The following PANK2 variants were observed in gnomAD, a reference collection of about 807,000 sequenced individuals.
The protein encoded by PANK2 is pantothenate kinase 2, mitochondrial.
In PANK2, 36 loss-of-function variants were observed where a neutral mutation model predicts 43.1. That is an observed-to-expected ratio of 0.84 (90% CI 0.64 to 1.10). The LOEUF (loss-of-function observed/expected upper bound fraction) is 1.10. Among genes scored for constraint, PANK2 ranks in the 50% least tolerant of loss-of-function variants. The pLI, the probability that PANK2 is intolerant of heterozygous loss-of-function variation, is 0.00. For synonymous variants in PANK2, 281 were observed against 238.2 expected (o/e 1.18, Z -1.66); for missense variants, 576 against 593.3 (o/e 0.97, Z 0.30).
intron 1 of PANK2, among the ~76,000 whole-genome samples, chr20:3,892,028 G>A (rs1240689161): frequency 1.3e-5 from 2 of 152,052 alleles, no homozygotes; most frequent in Non-Finnish European, 2.9e-5. Context: ...TACTATCTAG[G>A]GGTGCCCCTG....
chr20:3,903,240 TG>T (rs1260717810), intron 1 of PANK2, among the ~76,000 whole-genome samples: 1 of 151,548 alleles, frequency 6.6e-6, no homozygotes, highest in Non-Finnish European at 1.5e-5. Context: ...CTCCTCCTCC[TG>T]GGTTCAAGTG....
rs6037686 is a variant in PANK2 at position 3,898,563 on chromosome 20, T to C, written c.298+8835T>C. Among the ~76,000 whole-genome samples, 849 of 152,248 alleles carry C rather than the reference T, an allele frequency of 5.6e-3. 8 individuals are homozygous for C. Among genetic ancestry groups the C allele is most frequent in the African/African-American group, 0.019 (785 of 41,598 alleles). On this transcript the variant is annotated intron_variant, in intron 1 of 6. Transcript: ENST00000610179. ...AGATGTTTCCGTTTAAGTACTACTT[T>C]GGGTATATCCTATTGGTTTCTATAT...
At chr20:3,906,471 C>T (rs2090387557) in intron 1 of PANK2, among the ~76,000 whole-genome samples, 1 of 152,064 alleles carries the variant, frequency 6.6e-6, no homozygotes, top group Non-Finnish European at 1.5e-5. Flanking sequence ...TTAATATACC[C>T]AGCCTATTGA....
chr20:3,889,060 G>C (rs755143990), upstream of PANK2: 12 of 1,480,450 alleles, frequency 8.1e-6, no homozygotes, highest in Non-Finnish European at 1.1e-5. Flanking sequence ...GGCCCGGGGG[G>C]GCAGAGGCAT....
chr20:3,908,867 C>G, intron 2 of PANK2: 1 of 159,386 alleles, frequency 6.3e-6, no homozygotes, highest in Non-Finnish European at 1.4e-5. Flanking sequence ...CTGCCAGGCG[C>G]TCTATCTTGC....
intron 2 of PANK2, among the ~76,000 whole-genome samples, chr20:3,909,946 A>G (rs916937333): frequency 1.3e-4 from 20 of 152,334 alleles, no homozygotes; most frequent in African/African-American, 4.8e-4. Context: ...ATAATAATTT[A>G]GTCATTCCTT....
At chr20:3,911,004 C>G (rs912413712) in intron 3 of PANK2, among the ~76,000 whole-genome samples, 174 bp downstream of exon 3, 1 of 152,182 alleles carries the variant, frequency 6.6e-6, no homozygotes, top group African/African-American at 2.4e-5. Flanking sequence ...TCTTTAATCT[C>G]TACTGTTCAA....
At chr20:3,902,363 C>T (rs1243145992) in intron 1 of PANK2, among the ~76,000 whole-genome samples, 1 of 151,652 alleles carries the variant, frequency 6.6e-6, no homozygotes. Context: ...CGGAATCTCA[C>T]TCTGTGGCCA....
intron 4 of PANK2, among the ~76,000 whole-genome samples, chr20:3,916,713 G>T (rs932501075): frequency 1.3e-5 from 2 of 152,298 alleles, no homozygotes; most frequent in East Asian, 1.9e-4. Flanking sequence ...AGTAGAAACC[G>T]CAGGGAAAGC....
chr20:3,905,767 G>A (rs1438950496), intron 1 of PANK2, among the ~76,000 whole-genome samples: 2 of 140,854 alleles, frequency 1.4e-5, no homozygotes, highest in Non-Finnish European at 1.5e-5. Context: ...CCAGGCTGTA[G>A]TGCAGTAGTG....
At position 3,927,653 on chromosome 20, in the gene PANK2, T is replaced by C. The variant is rs1040350967; in HGVS notation, c.*4359T>C. On this transcript the variant is annotated 3_prime_UTR_variant, in exon 7 of 7. Transcript: ENST00000610179. ...GAGGCGATAGTTACCAGCAACACTC[T>C]AGGAAGACCAGCTGTCACCAGAAGG... The C allele has an allele frequency of 6.6e-6, 1 of 152,262 alleles. No homozygotes were observed. Among genetic ancestry groups the C allele is most frequent in the African/African-American group, 2.4e-5 (1 of 41,560 alleles). The allele number at this position is 152,262 out of a possible 1,614,324, so 9.4% of individuals were successfully genotyped here. A position where few individuals can be genotyped will look rare whatever the true frequency, so the allele number is the denominator to read the frequency against.
Position 3,923,330 on chromosome 20 carries a change from A to G in PANK2, c.*36A>G, listed in dbSNP as rs754680711. On this transcript the variant is annotated 3_prime_UTR_variant, in exon 7 of 7. Transcript: ENST00000610179. ...GGGAGGGGTTCCTGAAACCTTCCAC[A>G]ATGGGATCTGTGGACTTTCATTTTT... 8 of 1,607,546 alleles carry G rather than the reference A, an allele frequency of 5.0e-6. No homozygotes were observed. In the East Asian group the frequency reaches 8.9e-5, roughly 18 times the overall value.
At chr20:3,912,890 C>T (rs554406893) in intron 4 of PANK2, among the ~76,000 whole-genome samples, 7 of 113,230 alleles carry the variant, frequency 6.2e-5, no homozygotes, top group Admixed American at 2.6e-4. Context: ...GTGGAGGGTG[C>T]GGTGAGCTCC....
At chr20:3,896,789 T>TA (rs1333151057) in intron 1 of PANK2, among the ~76,000 whole-genome samples, 2 of 152,210 alleles carry the variant, frequency 1.3e-5, no homozygotes, top group African/African-American at 4.8e-5. Context: ...CCCTCCCCTA[T>TA]ACTGTGTACT....
chr20:3,907,804 C>A lies in PANK2; in HGVS notation c.299-122C>A, dbSNP rs767155226. 9.8e-6 allele frequency: 8 copies of A among 818,454 alleles called. No homozygotes were observed. The African/African-American group carries it at 1.2e-4, about 12-fold the overall frequency. 50.7% of individuals were successfully genotyped at this position (818,454 alleles called of 1,614,324 possible). ...AGAATCACATTTCTTTGCCCCAAAA[C>A]CCTTTTGCCTAGAATTATGTTCTTT... On this transcript the variant is annotated intron_variant, in intron 1 of 6. Coordinates refer to ENST00000610179, the MANE Select transcript of PANK2 (RefSeq NM_001386393.1).
chr20:3,905,037 C>T (rs2090362632), intron 1 of PANK2, among the ~76,000 whole-genome samples: 1 of 152,176 alleles, frequency 6.6e-6, no homozygotes, highest in Admixed American at 6.5e-5. Flanking sequence ...CATCCTGATT[C>T]TGGGGCTCCA....
intron 4 of PANK2, among the ~76,000 whole-genome samples, chr20:3,916,179 CGTAA>C (rs1175720028): frequency 8.6e-5 from 13 of 152,044 alleles, no homozygotes; most frequent in African/African-American, 1.2e-4. Context: ...TAGATATATC[CGTAA>C]GTGTTTTATT....
intron 6 of PANK2, among the ~76,000 whole-genome samples, chr20:3,922,226 G>C (rs980543236): frequency 2.0e-5 from 3 of 152,182 alleles, no homozygotes; most frequent in African/African-American, 7.2e-5. Flanking sequence ...TTACCTTACA[G>C]GTTGGAGACC....
Position 3,907,907 on chromosome 20 carries a change from AT to A in PANK2, c.299-14del, listed in dbSNP as rs774236283. ...TTTCAGAAAAAAGCTGTTCTGACTT[AT>A]TTTTCTTCCCCATTTAGTTTTTCCA... On this transcript the variant is annotated intron_variant, in intron 1 of 6. Transcript: ENST00000610179. The A allele has an allele frequency of 4.4e-6, 7 of 1,608,604 alleles. No homozygotes were observed. In the Admixed American group the frequency reaches 1.0e-4, roughly 23 times the overall value.
Sources: gnomAD v4.1 joint callset for allele counts (sites outside exome capture counted in the v4.1 genomes callset) on GRCh38, gnomAD v4.1.1 for gene constraint, MANE v1.5 for transcripts, NCBI Gene and HGNC (gene_info 2026-07-23, HGNC 2026-07-21) for gene names.